SLC22A23: variants seen among roughly 807,000 people sequenced by gnomAD.
SLC22A23 encodes solute carrier family 22 member 23, also known as ion transporter protein.
In SLC22A23, 26 loss-of-function variants were observed where a neutral mutation model predicts 61.0. The ratio of observed to expected loss-of-function variants is 0.43; its 90% CI spans 0.31 to 0.59. SLC22A23 has a LOEUF of 0.59. Ranked by LOEUF, SLC22A23 falls within the 20% of genes least tolerant of loss-of-function variation. SLC22A23 has a pLI of 0.11. For synonymous variants in SLC22A23, 430 were observed against 413.9 expected (o/e 1.04, Z -0.47); for missense variants, 796 against 934.7 (o/e 0.85, Z 1.94).
intron 3 of SLC22A23, among the ~76,000 whole-genome samples, chr6:3,358,265 G>A (rs968427079): frequency 2.7e-5 from 4 of 150,542 alleles, no homozygotes; most frequent in African/African-American, 9.9e-5. Context: ...AGCACTTGAC[G>A]TGAGCGCTCC....
rs1767396966 is a variant in SLC22A23 at position 3,387,671 on chromosome 6, C to T, written c.913+22517G>A. ...GAAGGGCTTACAGAAAATCTCTGTA[C>T]TGCCTTTGCCATTCCTCTGTAAGTC... On this transcript the variant is annotated intron_variant, in intron 3 of 9. Transcript: ENST00000406686. The surrounding 1 kb of genome is among the most constrained non-coding windows in gnomAD (Gnocchi z 5.0). 6.6e-6 allele frequency among the ~76,000 whole-genome samples: 1 copy of T among 152,254 alleles called. No homozygotes were observed. Among genetic ancestry groups the T allele is most frequent in the African/African-American group, 2.4e-5 (1 of 41,476 alleles).
rs760194361 is a variant in SLC22A23, at chr6:3,323,850, T to C, written c.1066A>G (p.Met356Val). Reference sequence around the variant, plus strand: ...TGTACTCACGACCAGTAGAGCAGCATGAGCAGGAAGGGGCAGATGATGAGG... The same window carrying C: ...TGTACTCACGACCAGTAGAGCAGCACGAGCAGGAAGGGGCAGATGATGAGG... The part of the protein sequence containing the change: ...QALIICPFLL[M>V]LLYWSIFPES... Residue 356 changes from methionine (M) to valine (V), a missense_variant, in exon 4 of 10, where the codon ATG becomes GTG. Met to Val is a conservative substitution (Grantham distance 21). Transcript: ENST00000406686. 10 of 1,613,912 alleles carry C rather than the reference T, an allele frequency of 6.2e-6. No homozygotes were observed. The highest frequency in any genetic ancestry group is 2.5e-6 in the Non-Finnish European group (3 of 1,179,944).
intron 3 of SLC22A23, among the ~76,000 whole-genome samples, chr6:3,405,480 A>G (rs1768755671): frequency 6.6e-6 from 1 of 151,956 alleles, no homozygotes; most frequent in Non-Finnish European, 1.5e-5. Context: ...CTTTCCCTTC[A>G]CCCAAATGCA....
chr6:3,416,939 C>T (rs888494290), intron 1 of SLC22A23, among the ~76,000 whole-genome samples: 2 of 152,136 alleles, frequency 1.3e-5, no homozygotes, highest in Non-Finnish European at 2.9e-5. Context: ...TGGGCTGACC[C>T]CTGATCCTAG....
At chr6:3,385,579 CAG>C (rs1371489336) in intron 3 of SLC22A23, among the ~76,000 whole-genome samples, 1 of 152,166 alleles carries the variant, frequency 6.6e-6, no homozygotes, top group Non-Finnish European at 1.5e-5. Context: ...CATGATCAAA[CAG>C]AAAGTTGTAA....
chr6:3,373,611 T>TG (rs1370453899), intron 3 of SLC22A23, among the ~76,000 whole-genome samples: 2 of 144,612 alleles, frequency 1.4e-5, no homozygotes, highest in Non-Finnish European at 3.0e-5. Context: ...AAGAAGAAGC[T>TG]GGGAAGAAAA....
intron 1 of SLC22A23, among the ~76,000 whole-genome samples, chr6:3,446,649 C>G (rs916621920): frequency 6.6e-6 from 1 of 152,214 alleles, no homozygotes; most frequent in African/African-American, 2.4e-5. Flanking sequence ...ATCCCCAGAA[C>G]CCCTGCGCAG....
chr6:3,381,277 C>T (rs1766935551), intron 3 of SLC22A23, among the ~76,000 whole-genome samples: 1 of 152,294 alleles, frequency 6.6e-6, no homozygotes, highest in East Asian at 1.9e-4. Flanking sequence ...AGAAGCCTGC[C>T]TTAGTGAGGT....
At chr6:3,276,889 T>G (rs958470465) in intron 9 of SLC22A23, 2 of 152,240 alleles carry the variant, frequency 1.3e-5, no homozygotes, top group African/African-American at 4.8e-5. Flanking sequence ...GTGCCGTGGC[T>G]GGGAGCAGGA....
Position 3,297,077 on chromosome 6 carries a change from A to G in SLC22A23, c.1210+1014T>C, listed in dbSNP as rs538829505. 1.2e-4 allele frequency among the ~76,000 whole-genome samples: 18 copies of G among 152,102 alleles called. No homozygotes were observed. The highest frequency in any genetic ancestry group is 2.1e-4 in the South Asian group (1 of 4,808). On this transcript the variant is annotated intron_variant, in intron 5 of 9. Transcript: ENST00000406686. This position sits in a 1 kb window ranked among gnomAD's most constrained non-coding sequence, Gnocchi z 4.3. ...CAGCCCTGCTGTTTCATCCCTCCTGACGTATGCACGTGTAACTTCCCTGTC... is the reference window on the plus strand; with the variant it reads ...CAGCCCTGCTGTTTCATCCCTCCTGGCGTATGCACGTGTAACTTCCCTGTC...
chr6:3,436,632 C>T (rs1771232817), intron 1 of SLC22A23, among the ~76,000 whole-genome samples: 1 of 152,198 alleles, frequency 6.6e-6, no homozygotes, highest in Non-Finnish European at 1.5e-5. Flanking sequence ...TCCCTATCTC[C>T]ATGCACCGTG....
At chr6:3,434,564 G>A (rs1390493198) in intron 1 of SLC22A23, among the ~76,000 whole-genome samples, 9 of 150,868 alleles carry the variant, frequency 6.0e-5, no homozygotes, top group African/African-American at 9.8e-5. Flanking sequence ...AGCAGAGATC[G>A]CGCCACTGCA....
At chr6:3,349,225 C>T (rs1006750846) in intron 3 of SLC22A23, among the ~76,000 whole-genome samples, 3 of 152,224 alleles carry the variant, frequency 2.0e-5, no homozygotes, top group African/African-American at 7.2e-5. Context: ...GAAGCCTGCC[C>T]TAGCCACCAA....
chr6:3,346,583 T>C (rs1764452935), intron 3 of SLC22A23, among the ~76,000 whole-genome samples: 1 of 152,234 alleles, frequency 6.6e-6, no homozygotes, highest in Non-Finnish European at 1.5e-5. Flanking sequence ...CAAGTGGCTC[T>C]TTAAACCCTT....
At chr6:3,352,502 C>CT (rs1438307253) in intron 3 of SLC22A23, among the ~76,000 whole-genome samples, 1 of 152,268 alleles carries the variant, frequency 6.6e-6, no homozygotes, top group African/African-American at 2.4e-5. Context: ...CTTGCAGACA[C>CT]ACAAATACAC....
intron 3 of SLC22A23, among the ~76,000 whole-genome samples, chr6:3,334,317 G>A (rs57705189): frequency 0.026 from 3,963 of 152,130 alleles, 194 homozygotes; most frequent in African/African-American, 0.091. Flanking sequence ...ACCTTCCATC[G>A]TGCCTGCTAA....
At chr6:3,378,717 G>C (rs539563794) in intron 3 of SLC22A23, among the ~76,000 whole-genome samples, 89 of 145,828 alleles carry the variant, frequency 6.1e-4, no homozygotes, top group African/African-American at 2.2e-3. Flanking sequence ...GAGTGCAATG[G>C]CGTGATCTCG....
intron 3 of SLC22A23, among the ~76,000 whole-genome samples, chr6:3,365,954 G>T (rs1252978583): frequency 2.0e-5 from 3 of 152,136 alleles, no homozygotes; most frequent in African/African-American, 7.2e-5. Context: ...ATTTGCCACA[G>T]TGATGATGCT....
At position 3,342,166 on chromosome 6, in the gene SLC22A23, G is replaced by A. The variant is rs535125714; in HGVS notation, c.914-18164C>T. 3.9e-5 allele frequency among the ~76,000 whole-genome samples: 6 copies of A among 152,170 alleles called. 1 individual carries two copies. In the South Asian group the frequency reaches 8.3e-4, roughly 21 times the overall value. On this transcript the variant is annotated intron_variant, in intron 3 of 9. Coordinates refer to ENST00000406686, the MANE Select transcript of SLC22A23 (RefSeq NM_015482.2). This position sits in a 1 kb window ranked among gnomAD's most constrained non-coding sequence, Gnocchi z 4.0. Reference sequence around the variant, plus strand: ...GGGTTTAAATTTTAGGTGTGTCTGCGTGAAAATGAAAACTTATTCTCAGTT... The same window carrying A: ...GGGTTTAAATTTTAGGTGTGTCTGCATGAAAATGAAAACTTATTCTCAGTT...
Sources: allele counts gnomAD v4.1 joint callset (sites outside exome capture counted in the v4.1 genomes callset), GRCh38; gene constraint gnomAD v4.1.1; non-coding constraint Gnocchi (gnomAD v3.1); transcripts MANE v1.5; gene names NCBI Gene and HGNC (gene_info 2026-07-23, HGNC 2026-07-21).